SERPINA12: variants seen among roughly 807,000 people sequenced by gnomAD.
The protein encoded by SERPINA12 is serpin family A member 12.
In SERPINA12, 21 loss-of-function variants were observed where a neutral mutation model predicts 25.9. The observed-to-expected ratio is 0.81, with a 90% CI of 0.58 to 1.17. SERPINA12 has a LOEUF of 1.17. Ranked by LOEUF, SERPINA12 falls within the 50% of genes most tolerant of loss-of-function variation. The pLI, the probability that SERPINA12 is intolerant of heterozygous loss-of-function variation, is 0.00. For synonymous variants in SERPINA12, 220 were observed against 196.0 expected, an observed-to-expected ratio of 1.12 and a Z score of -1.02; for missense variants, 562 against 508.3, an observed-to-expected ratio of 1.11 and a Z score of -1.02.
At chr14:94,511,418 C>T, upstream of SERPINA12, 4 of 985,036 alleles carry the variant, frequency 4.1e-6, no homozygotes, top group Non-Finnish European at 4.8e-6. Context: ...AATATAAAAG[C>T]AGAAAAAAAA....
intron 4 of SERPINA12, among the ~76,000 whole-genome samples, chr14:94,489,131 G>GA (rs1263383069): frequency 4.6e-5 from 6 of 131,040 alleles, no homozygotes; most frequent in Non-Finnish European, 8.1e-5. Flanking sequence ...AAGGAAGGAA[G>GA]GAAGAGAGAG....
At chr14:94,500,401 C>A (rs1038578044) in intron 1 of SERPINA12, among the ~76,000 whole-genome samples, 6 of 152,048 alleles carry the variant, frequency 3.9e-5, no homozygotes, top group African/African-American at 1.5e-4. Context: ...AGCCCATGTG[C>A]CTCAGGGACA....
chr14:94,513,572 T>C (rs528011837), upstream of SERPINA12, among the ~76,000 whole-genome samples: 1 of 152,248 alleles, frequency 6.6e-6, no homozygotes, highest in Admixed American at 6.5e-5. Context: ...GTTTGAGAAA[T>C]CCATTGGGAG....
rs766695487 is a variant in SERPINA12 at position 94,496,462 on chromosome 14, G to A, written c.816C>T (p.Phe272=). The change falls in exon 3 of 5, where the codon TTC becomes TTT. Residue 272 remains phenylalanine (F), a synonymous_variant. Transcript: ENST00000677451. ...IPYQKNITAI[F]ILPDEGKLKH... is the part of the protein sequence containing the mutation. ...TCAGCTTGCCCTCATCAGGAAGGATGAAGATGGCTGTGATATTTTTCTGGT... is the reference window on the plus strand; with the variant it reads ...TCAGCTTGCCCTCATCAGGAAGGATAAAGATGGCTGTGATATTTTTCTGGT... 5 of 1,614,194 alleles carry A rather than the reference G, an allele frequency of 3.1e-6. No homozygotes were observed. Among genetic ancestry groups the A allele is most frequent in the Non-Finnish European group, 4.2e-6 (5 of 1,180,036 alleles).
chr14:94,510,193 T>C, upstream of SERPINA12: 1 of 985,428 alleles, frequency 1.0e-6, no homozygotes, highest in South Asian at 4.7e-5. Context: ...GCATTGGATC[T>C]GTGGTTGCCT....
rs1203628622 is a variant in SERPINA12 at position 94,489,462 on chromosome 14, A to T, written c.1053+158T>A. 2.6e-5 allele frequency among the ~76,000 whole-genome samples: 4 copies of T among 152,282 alleles called. No homozygotes were observed. In the East Asian group the frequency reaches 5.8e-4, roughly 22 times the overall value. ...CTGGGGGAGGTTATGTGGTTTGCCC[A>T]GGATCACGGGGTTGGTAAGGGGCAC... On this transcript the variant is annotated intron_variant, in intron 4 of 4. Coordinates refer to ENST00000677451, the MANE Select transcript of SERPINA12 (RefSeq NM_001382267.1).
intron 1 of SERPINA12, among the ~76,000 whole-genome samples, chr14:94,506,476 G>A (rs751271173): frequency 5.3e-5 from 8 of 152,160 alleles, no homozygotes; most frequent in Non-Finnish European, 1.2e-4. Context: ...CATAGATGGG[G>A]CACTCTTAAG....
chr14:94,487,538 G>A (rs1438521700), intron 4 of SERPINA12, 44 bp from the exon 5 acceptor site: 2 of 1,540,994 alleles, frequency 1.3e-6, no homozygotes, highest in African/African-American at 1.4e-5. Flanking sequence ...AAGCTCCTTG[G>A]CGACCACAGT....
chr14:94,513,989 T>C (rs1422783428), upstream of SERPINA12, among the ~76,000 whole-genome samples: 3 of 152,214 alleles, frequency 2.0e-5, no homozygotes, highest in South Asian at 2.1e-4. Flanking sequence ...AAGGGCAGCA[T>C]GGTGCGGGCC....
rs1256677747 is a variant in SERPINA12 at position 94,514,718 on chromosome 14, G to T, written c.-18+1102C>A. ...CCAGATCTAAGGACTCAGAGGAAGT[G>T]CAGGGCCAGGGAATTCTGAGGTGGT... is the stretch of plus-strand genomic sequence containing the variant. On this transcript the variant is annotated intron_variant, in intron 2 of 5. Transcript: ENST00000341228. Among the ~76,000 whole-genome samples, 3 of 152,338 alleles carry T rather than the reference G, an allele frequency of 2.0e-5. No homozygotes were observed. The East Asian group carries it at 5.8e-4, about 29-fold the overall frequency.
chr14:94,494,295 C>T (rs1472722998), intron 3 of SERPINA12, among the ~76,000 whole-genome samples: 1 of 152,200 alleles, frequency 6.6e-6, no homozygotes, highest in African/African-American at 2.4e-5. Flanking sequence ...ACACGTCAGT[C>T]CCTTTGGGGA....
chr14:94,498,467 T>C, intron 1 of SERPINA12, 37 bp from the exon 2 acceptor site: 1 of 1,500,350 alleles, frequency 6.7e-7, no homozygotes, highest in Non-Finnish European at 9.1e-7. Context: ...GATAACCCCA[T>C]TGCCTACATG....
chr14:94,508,553 C>T (rs955831869), intron 1 of SERPINA12, among the ~76,000 whole-genome samples: 2 of 152,086 alleles, frequency 1.3e-5, no homozygotes, highest in East Asian at 1.9e-4. Flanking sequence ...GGAATAAAAC[C>T]TTTTCATAAT....
In SERPINA12 at chr14:94,497,844, G is replaced by T. The variant is rs766378600; in HGVS notation, c.554C>A (p.Thr185Asn). 1 of 1,614,128 alleles carries T rather than the reference G, an allele frequency of 6.2e-7. No individual in the cohort carries two copies. The highest frequency in any genetic ancestry group is 1.1e-5 in the South Asian group (1 of 91,078). Residue 185 changes from threonine to asparagine, a missense_variant, in exon 2 of 5, where the codon ACC (threonine) becomes AAC (asparagine). Thr to Asn is a moderately conservative substitution (Grantham distance 65). Transcript: ENST00000677451. The part of the protein sequence containing the change: ...KQINDFISQK[T>N]HGKINNLIEN... The stretch of plus-strand genomic sequence containing the variant: ...GATCAGGTTGTTAATTTTCCCATGG[G>T]TTTTTTGACTGATAAAGTCATTGAT...
upstream of SERPINA12, among the ~76,000 whole-genome samples, chr14:94,511,947 A>C (rs900286606): frequency 2.0e-5 from 3 of 152,026 alleles, no homozygotes; most frequent in Non-Finnish European, 4.4e-5. Context: ...AAAATACAAA[A>C]ATTAGCTGGG....
chr14:94,489,570 G>A (rs1372226843), intron 4 of SERPINA12, 50 bp downstream of exon 4: 11 of 1,592,646 alleles, frequency 6.9e-6, no homozygotes, highest in Non-Finnish European at 9.4e-6. Context: ...CCCCGGCTGG[G>A]GGAAGGCCCC....
chr14:94,514,128 C>G (rs1329090041), upstream of SERPINA12, among the ~76,000 whole-genome samples: 4 of 152,240 alleles, frequency 2.6e-5, no homozygotes, highest in African/African-American at 9.6e-5. Flanking sequence ...TGGGACAGTG[C>G]CTGGACTGTG....
At chr14:94,512,172 T>C (rs111470040), upstream of SERPINA12, among the ~76,000 whole-genome samples, 2,002 of 152,172 alleles carry the variant, frequency 0.013, 49 homozygotes, top group African/African-American at 0.045. Context: ...GAGGCAGATA[T>C]TGAATCAAAT....
upstream of SERPINA12, chr14:94,511,753 C>G (rs1271026077): frequency 1.0e-6 from 1 of 978,236 alleles, no homozygotes; most frequent in Non-Finnish European, 1.2e-6. Context: ...TACCAGGCAG[C>G]AAGCCAGGTG....
Sources: gnomAD v4.1 joint callset for allele counts (sites outside exome capture counted in the v4.1 genomes callset) on GRCh38, gnomAD v4.1.1 for gene constraint, MANE v1.5 for transcripts, NCBI Gene and HGNC (gene_info 2026-07-23, HGNC 2026-07-21) for gene names.